XKR9: variants seen among roughly 807,000 people sequenced by gnomAD.
XKR9 encodes the protein XK-related protein 9.
XKR9 carries 32 observed loss-of-function variants against 32.0 expected under a neutral mutation model. The ratio of observed to expected loss-of-function variants is 1.00; its 90% CI spans 0.76 to 1.34. XKR9 has a LOEUF of 1.34. XKR9 is among the 40% of genes most tolerant of loss of function. XKR9 has a pLI of 0.00. For missense variants in XKR9, 546 were observed against 429.7 expected (o/e 1.27, Z -2.39); for synonymous variants, 168 against 143.4 (o/e 1.17, Z -1.22).
Position 70,776,947 on chromosome 8 carries a change from C to CTA in XKR9, n.353-12376_353-12375dup, listed in dbSNP as rs1554556847. On this transcript the variant is annotated intron_variant and non_coding_transcript_variant, in intron 2 of 3. Transcript: ENST00000520273. The stretch of plus-strand genomic sequence containing the variant: ...TTTCTCTCTCTCTCTCTCTCTCTCT[C>CTA]TATATATATATATATATGTATGTAT... 5.5e-4 allele frequency among the ~76,000 whole-genome samples: 30 copies of CTA among 54,208 alleles called. 1 individual carries two copies. The highest frequency in any genetic ancestry group is 1.8e-3 in the South Asian group (3 of 1,652). 35.6% of individuals were successfully genotyped at this position (54,208 alleles called of 152,430 possible). A position where few individuals can be genotyped will look rare whatever the true frequency, so the allele number is the denominator to read the frequency against.
At chr8:70,699,093 G>T (rs1050144044) in intron 3 of XKR9, among the ~76,000 whole-genome samples, 5 of 152,086 alleles carry the variant, frequency 3.3e-5, no homozygotes, top group Admixed American at 6.5e-5. Flanking sequence ...CACGTGAGAT[G>T]GGTTTCCTGA....
At chr8:70,927,557 C>T in the XKR9 span, among the ~76,000 whole-genome samples, 1 of 152,118 alleles carries the variant, frequency 6.6e-6, no homozygotes, top group Non-Finnish European at 1.5e-5. Flanking sequence ...CGTCTTTTTG[C>T]AGTGTCCTCT....
chr8:70,913,620 T>A, the XKR9 span, among the ~76,000 whole-genome samples: 4 of 152,160 alleles, frequency 2.6e-5, no homozygotes, highest in Non-Finnish European at 4.4e-5. Context: ...TTGTATTGAG[T>A]TCAACATACA....
the XKR9 span, among the ~76,000 whole-genome samples, chr8:71,032,297 A>AC: frequency 6.7e-6 from 1 of 150,146 alleles, no homozygotes; most frequent in East Asian, 1.9e-4. Context: ...AAAAAAAAAA[A>AC]AAAAAAAAAA....
chr8:70,731,678 G>T (rs1200692709), intron 4 of XKR9, among the ~76,000 whole-genome samples: 1 of 152,152 alleles, frequency 6.6e-6, no homozygotes, highest in Non-Finnish European at 1.5e-5. Flanking sequence ...GGGGAAGGAT[G>T]ACCTCTGAAT....
chr8:70,763,841 A>G (rs1399541726), intron 2 of XKR9, among the ~76,000 whole-genome samples: 1 of 152,160 alleles, frequency 6.6e-6, no homozygotes, highest in African/African-American at 2.4e-5. Flanking sequence ...AAAATTACTG[A>G]TAACTGTTGA....
chr8:70,834,699 T>C, the XKR9 span, among the ~76,000 whole-genome samples: 1 of 152,150 alleles, frequency 6.6e-6, no homozygotes, highest in East Asian at 1.9e-4. Context: ...ACAATGAATA[T>C]GTAAAATCTG....
chr8:70,724,093 G>C (rs969980566), intron 4 of XKR9, among the ~76,000 whole-genome samples: 4 of 152,210 alleles, frequency 2.6e-5, no homozygotes, highest in African/African-American at 9.6e-5. Flanking sequence ...CCAGTGAGAA[G>C]GAATCTAGAG....
chr8:70,790,654 A>G (rs1348565507), downstream of XKR9, among the ~76,000 whole-genome samples: 1 of 152,090 alleles, frequency 6.6e-6, no homozygotes, highest in African/African-American at 2.4e-5. Context: ...ATATTATATG[A>G]TAGTACTAAC....
intron 2 of XKR9, chr8:70,780,869 G>T (rs749182926): frequency 6.6e-6 from 1 of 151,330 alleles, no homozygotes; most frequent in Non-Finnish European, 1.5e-5. Flanking sequence ...ACCAACAATT[G>T]GTTTCAACAC....
At chr8:70,781,904 G>T (rs1807622250) in intron 2 of XKR9, among the ~76,000 whole-genome samples, 1 of 152,134 alleles carries the variant, frequency 6.6e-6, no homozygotes, top group African/African-American at 2.4e-5. Context: ...ATTACTTATA[G>T]CACTTGTGTT....
chr8:70,751,721 G>T (rs1807144795), intron 2 of XKR9, among the ~76,000 whole-genome samples: 1 of 152,076 alleles, frequency 6.6e-6, no homozygotes. Context: ...CTGGACTTTG[G>T]ACTCTGAGAG....
the XKR9 span, among the ~76,000 whole-genome samples, chr8:70,863,573 G>A: frequency 6.6e-6 from 1 of 152,120 alleles, no homozygotes; most frequent in Non-Finnish European, 1.5e-5. Context: ...CAAAACTGTT[G>A]AAATGTTTCA....
intron 2 of XKR9, among the ~76,000 whole-genome samples, chr8:70,786,864 T>C (rs1182614582): frequency 6.6e-6 from 1 of 152,172 alleles, no homozygotes; most frequent in Non-Finnish European, 1.5e-5. Context: ...TCTTACTGTC[T>C]TCCTTCGTGG....
chr8:70,758,162 C>G (rs1393540429), intron 2 of XKR9, among the ~76,000 whole-genome samples: 1 of 152,050 alleles, frequency 6.6e-6, no homozygotes, highest in Admixed American at 6.6e-5. Flanking sequence ...CTCCCTTGTT[C>G]TCTCTGCTAT....
chr8:70,879,178 G>A, the XKR9 span, among the ~76,000 whole-genome samples: 1 of 152,120 alleles, frequency 6.6e-6, no homozygotes, highest in Non-Finnish European at 1.5e-5. Flanking sequence ...CAAATTTATA[G>A]CACTAAATAC....
chr8:70,806,498 T>C, the XKR9 span, among the ~76,000 whole-genome samples: 4 of 152,208 alleles, frequency 2.6e-5, no homozygotes, highest in South Asian at 6.2e-4. Context: ...TCTAACCCAA[T>C]GCAAAGGAGC....
At chr8:70,859,476 C>T in the XKR9 span, among the ~76,000 whole-genome samples, 4 of 151,978 alleles carry the variant, frequency 2.6e-5, no homozygotes, top group Admixed American at 2.0e-4. Flanking sequence ...AAAATAGATC[C>T]AGCAATCCCA....
At chr8:70,775,985 A>C (rs777626624) in intron 2 of XKR9, among the ~76,000 whole-genome samples, 10 of 152,026 alleles carry the variant, frequency 6.6e-5, no homozygotes, top group Non-Finnish European at 1.2e-4. Flanking sequence ...TACTTAAACA[A>C]TCCTCCCATC....
Sources: allele counts gnomAD v4.1 joint callset (sites outside exome capture counted in the v4.1 genomes callset), GRCh38; gene constraint gnomAD v4.1.1; transcripts MANE v1.5; gene names NCBI Gene and HGNC (gene_info 2026-07-23, HGNC 2026-07-21).